The following SPAG16 variants were observed in gnomAD, a reference collection of about 807,000 sequenced individuals.
SPAG16 encodes the protein sperm-associated antigen 16 protein.
In SPAG16, 86 loss-of-function variants were observed where a neutral mutation model predicts 80.4. The observed-to-expected ratio is 1.07, with a 90% CI of 0.90 to 1.28. The LOEUF (loss-of-function observed/expected upper bound fraction) is 1.28. Among genes scored for constraint, SPAG16 ranks in the 50% most tolerant of loss-of-function variants. SPAG16 has a pLI of 0.00. For synonymous variants in SPAG16, 294 were observed against 265.9 expected (o/e 1.11, Z -1.03); for missense variants, 870 against 765.3 (o/e 1.14, Z -1.61).
intron 13 of SPAG16, among the ~76,000 whole-genome samples, chr2:214,019,124 G>A (rs1397251812): frequency 6.6e-6 from 1 of 152,092 alleles, no homozygotes; most frequent in Non-Finnish European, 1.5e-5. Context: ...TTGTCAGAAA[G>A]TGATATATCA....
intron 9 of SPAG16, among the ~76,000 whole-genome samples, chr2:213,378,196 C>G (rs1360611958): frequency 6.6e-6 from 1 of 152,048 alleles, no homozygotes; most frequent in Non-Finnish European, 1.5e-5. Flanking sequence ...ATGTTGCCCA[C>G]CCAGATTAAG....
intron 15 of SPAG16, among the ~76,000 whole-genome samples, chr2:214,236,931 C>G (rs764998294): frequency 1.3e-5 from 2 of 152,132 alleles, no homozygotes; most frequent in Non-Finnish European, 2.9e-5. Flanking sequence ...GAATCCTCCA[C>G]CTGGCATTAC....
At chr2:213,440,441 G>A (rs2070874735) in intron 9 of SPAG16, among the ~76,000 whole-genome samples, 1 of 152,044 alleles carries the variant, frequency 6.6e-6, no homozygotes, top group South Asian at 2.1e-4. Context: ...TGTAGTCCCA[G>A]CTACTCTGGA....
intron 13 of SPAG16, among the ~76,000 whole-genome samples, chr2:214,021,585 A>G (rs1287813942): frequency 6.6e-6 from 1 of 152,150 alleles, no homozygotes; most frequent in African/African-American, 2.4e-5. Flanking sequence ...TATGGGAGCT[A>G]CAAGATGAGA....
intron 10 of SPAG16, among the ~76,000 whole-genome samples, chr2:213,635,829 C>A (rs752813610): frequency 6.6e-6 from 1 of 152,022 alleles, no homozygotes; most frequent in Non-Finnish European, 1.5e-5. Flanking sequence ...TGTTTGAGTT[C>A]CTTGTAGATT....
At chr2:214,154,865 G>A (rs547957960) in intron 15 of SPAG16, among the ~76,000 whole-genome samples, 129 of 152,070 alleles carry the variant, frequency 8.5e-4, no homozygotes, top group African/African-American at 2.9e-3. Flanking sequence ...AACCTAAAAC[G>A]ATTGAAAGAA....
intron 15 of SPAG16, among the ~76,000 whole-genome samples, chr2:214,277,907 C>T (rs1489232771): frequency 6.6e-6 from 1 of 152,174 alleles, no homozygotes; most frequent in Admixed American, 6.5e-5. Flanking sequence ...TATGCCCTGC[C>T]CCTAGAGGTG....
At chr2:214,252,258 T>C (rs937312329) in intron 15 of SPAG16, among the ~76,000 whole-genome samples, 46 of 150,920 alleles carry the variant, frequency 3.0e-4, no homozygotes, top group African/African-American at 9.7e-4. Flanking sequence ...GAAATATTCC[T>C]TTTTTTTAAT....
At chr2:213,415,775 G>C (rs1313798633) in intron 9 of SPAG16, among the ~76,000 whole-genome samples, 2 of 152,180 alleles carry the variant, frequency 1.3e-5, no homozygotes, top group Admixed American at 1.3e-4. Context: ...TCTGAGTAAA[G>C]CTGCTTGGTT....
chr2:213,359,028 G>C (rs991559420), intron 7 of SPAG16, among the ~76,000 whole-genome samples: 2 of 152,222 alleles, frequency 1.3e-5, no homozygotes, highest in African/African-American at 4.8e-5. Context: ...CTGCAGGTCT[G>C]TTGGGGTTTG....
rs1690587528 is a variant in SPAG16 at position 214,255,116 on chromosome 2, AT to A, written c.1720+105854del. Reference sequence around the variant, plus strand: ...ATCATTGTTGCTTTAATATGAAAGTATTTTCACTATATCAAAGTTACTAGCA... The same window carrying A: ...ATCATTGTTGCTTTAATATGAAAGTATTTCACTATATCAAAGTTACTAGCA... On this transcript the variant is annotated intron_variant, in intron 15 of 15. Transcript: ENST00000331683. Among the ~76,000 whole-genome samples the A allele has an allele frequency of 5.3e-5, 8 of 152,158 alleles. No individual in the cohort carries two copies. In the South Asian group the frequency reaches 1.7e-3, roughly 32 times the overall value.
intron 12 of SPAG16, among the ~76,000 whole-genome samples, chr2:214,005,828 T>C (rs1369623018): frequency 1.3e-5 from 2 of 152,218 alleles, no homozygotes; most frequent in African/African-American, 2.4e-5. Flanking sequence ...ATTTTAAAAA[T>C]AGCTTATATA....
intron 15 of SPAG16, among the ~76,000 whole-genome samples, chr2:214,393,995 C>G (rs1267989519): frequency 6.6e-6 from 1 of 152,160 alleles, no homozygotes; most frequent in Non-Finnish European, 1.5e-5. Context: ...TATTTGGGCA[C>G]TACCATTGGC....
At chr2:214,202,361 A>G (rs2058032996) in intron 15 of SPAG16, among the ~76,000 whole-genome samples, 1 of 152,212 alleles carries the variant, frequency 6.6e-6, no homozygotes, top group Non-Finnish European at 1.5e-5. Flanking sequence ...TATTTGAGCA[A>G]CATGGGAGGG....
chr2:214,247,760 G>A lies in SPAG16; in HGVS notation c.1720+98494G>A, dbSNP rs559094216. ...CAAAAAATCAACGAGATCCAGGCAT[G>A]GTGGCTCATGCCTGTAATCCCAGCA... On this transcript the variant is annotated intron_variant, in intron 15 of 15. Transcript: ENST00000331683. 2.6e-5 allele frequency among the ~76,000 whole-genome samples: 4 copies of A among 152,232 alleles called. No homozygotes were observed. The South Asian group carries it at 8.3e-4, about 32-fold the overall frequency.
intron 10 of SPAG16, among the ~76,000 whole-genome samples, chr2:213,647,421 C>T (rs1248753804): frequency 6.6e-6 from 1 of 152,154 alleles, no homozygotes; most frequent in Non-Finnish European, 1.5e-5. Context: ...TTTTGAGCTT[C>T]ATTAGGAGCA....
At chr2:213,566,638 A>T (rs917090498) in intron 10 of SPAG16, among the ~76,000 whole-genome samples, 2 of 152,214 alleles carry the variant, frequency 1.3e-5, no homozygotes, top group East Asian at 3.8e-4. Context: ...GGTATACCCT[A>T]TGTTGACTAA....
At chr2:213,703,673 G>T (rs550491628) in intron 10 of SPAG16, among the ~76,000 whole-genome samples, 1 of 152,078 alleles carries the variant, frequency 6.6e-6, no homozygotes, top group Admixed American at 6.6e-5. Flanking sequence ...TGTGAACTTC[G>T]CAAGTCCATC....
At chr2:213,348,666 G>T (rs1014157660) in intron 6 of SPAG16, among the ~76,000 whole-genome samples, 4 of 152,112 alleles carry the variant, frequency 2.6e-5, no homozygotes, top group African/African-American at 4.8e-5. Context: ...TGAAATTCTG[G>T]GTTGAAAATT....
Sources: gnomAD v4.1 joint callset for allele counts (sites outside exome capture counted in the v4.1 genomes callset) on GRCh38, gnomAD v4.1.1 for gene constraint, MANE v1.5 for transcripts, NCBI Gene and HGNC (gene_info 2026-07-23, HGNC 2026-07-21) for gene names.